The following NAA16 variants were observed in gnomAD, a reference collection of about 807,000 sequenced individuals.
The protein encoded by NAA16 is N-alpha-acetyltransferase 16, NatA auxiliary subunit, also known as NARG1-like protein.
In NAA16, 97 loss-of-function variants were observed where a neutral mutation model predicts 110.3. The observed-to-expected ratio is 0.88, with a 90% CI of 0.75 to 1.04. The LOEUF is 1.04. NAA16 is among the 50% of genes least tolerant of loss of function. NAA16 has a pLI of 0.00. For synonymous variants in NAA16, 372 were observed against 330.6 expected (o/e 1.13, Z -1.36); for missense variants, 1,017 against 1,005.1 (o/e 1.01, Z -0.16).
intron 9 of NAA16, among the ~76,000 whole-genome samples, chr13:41,347,234 CAAAAACA>C (rs2042709560): frequency 3.4e-5 from 1 of 29,192 alleles, no homozygotes; most frequent in East Asian, 8.8e-4. Context: ...AAAACAAAAA[CAAAAACA>C]AAAAAAGAAA....
chr13:41,347,477 C>T lies in NAA16; in HGVS notation c.1015-7667C>T, dbSNP rs114696807. Reference sequence around the variant, plus strand: ...AACTTAACAATATTAAGTCAATCTTCGAACATGGGATGTCTTTCTTTGTAT... The same window carrying T: ...AACTTAACAATATTAAGTCAATCTTTGAACATGGGATGTCTTTCTTTGTAT... On this transcript the variant is annotated intron_variant, in intron 9 of 19. Coordinates refer to ENST00000379406, the MANE Select transcript of NAA16 (RefSeq NM_024561.5). 7.5e-3 allele frequency among the ~76,000 whole-genome samples: 1,143 copies of T among 152,090 alleles called. 15 individuals carry two copies. The highest frequency in any genetic ancestry group is 0.026 in the African/African-American group (1,081 of 41,512).
intron 5 of NAA16, among the ~76,000 whole-genome samples, chr13:41,325,139 A>G (rs564405458): frequency 1.3e-5 from 2 of 152,022 alleles, no homozygotes; most frequent in Admixed American, 6.5e-5. Flanking sequence ...GTATTTTAGT[A>G]GAGACGGGGT....
Position 41,376,186 on chromosome 13 carries a change from A to T in NAA16, c.*584A>T, listed in dbSNP as rs2043424293. ...ATACCTGTAATCCAAGCTGCCCAGGAGCTGAGGCCGGAGAATCGCTTGAAC... is the reference window on the plus strand; with the variant it reads ...ATACCTGTAATCCAAGCTGCCCAGGTGCTGAGGCCGGAGAATCGCTTGAAC... On this transcript the variant is annotated 3_prime_UTR_variant, in exon 20 of 20. Transcript: ENST00000379406. 6.5e-6 allele frequency: 1 copy of T among 152,690 alleles called. No individual in the cohort carries two copies. The highest frequency in any genetic ancestry group is 1.5e-5 in the Non-Finnish European group (1 of 68,518). The allele number at this position is 152,690 out of a possible 1,614,324, so 9.5% of individuals were successfully genotyped here.
intron 9 of NAA16, among the ~76,000 whole-genome samples, chr13:41,344,576 A>C (rs2042633895): frequency 6.6e-6 from 1 of 152,174 alleles, no homozygotes; most frequent in Admixed American, 6.5e-5. Context: ...AAGGTACAGG[A>C]CAGCCTTCCT....
chr13:41,356,580 C>T (rs1759997817), intron 10 of NAA16, among the ~76,000 whole-genome samples: 2 of 152,100 alleles, frequency 1.3e-5, no homozygotes, highest in Non-Finnish European at 2.9e-5. Context: ...ATTCACATTT[C>T]CCCCATTATC....
At chr13:41,326,387 G>A (rs1172400963) in intron 6 of NAA16, among the ~76,000 whole-genome samples, 5 of 152,130 alleles carry the variant, frequency 3.3e-5, no homozygotes. Flanking sequence ...GTATTAAATT[G>A]AATGTCCAGC....
In NAA16 at chr13:41,316,875, T is replaced by C. The variant is rs780688690; in HGVS notation, c.84T>C (p.Asn28=). 9 of 1,613,566 alleles carry C rather than the reference T, an allele frequency of 5.6e-6. No individual in the cohort carries two copies. The highest frequency in any genetic ancestry group is 1.6e-4 in the Middle Eastern group (1 of 6,080). ...GTTATGAACAGAAGCAGTACAAAAA[T>C]GGCCTCAAGTTTTGCAAGATGATTC... ...LKCYEQKQYK[N]GLKFCKMILS... Residue 28 remains asparagine, a synonymous_variant, in exon 2 of 20, where the codon AAT becomes AAC. Coordinates refer to ENST00000379406, the MANE Select transcript of NAA16 (RefSeq NM_024561.5).
intron 1 of NAA16, among the ~76,000 whole-genome samples, chr13:41,316,184 C>T (rs1406386663): frequency 1.3e-5 from 2 of 152,146 alleles, no homozygotes; most frequent in Non-Finnish European, 2.9e-5. Context: ...GGCTGGAGTG[C>T]AGTGGCATGA....
At chr13:41,332,550 A>T (rs1019115027) in intron 8 of NAA16, among the ~76,000 whole-genome samples, 1 of 152,168 alleles carries the variant, frequency 6.6e-6, no homozygotes, top group Non-Finnish European at 1.5e-5. Context: ...TTGAGTTTTT[A>T]AAAAATTATG....
chr13:41,344,690 T>A (rs1215271860), intron 9 of NAA16, among the ~76,000 whole-genome samples: 3 of 152,254 alleles, frequency 2.0e-5, no homozygotes, highest in African/African-American at 7.2e-5. Flanking sequence ...GCCTCTACCA[T>A]CGAGATGTCA....
At position 41,311,567 on chromosome 13, in the gene NAA16, C is replaced by G; in HGVS notation, c.39C>G (p.Leu13=). The change falls in exon 1 of 20, where the codon CTC becomes CTG. Residue 13 remains leucine, a synonymous_variant. Coordinates refer to ENST00000379406, the MANE Select transcript of NAA16 (RefSeq NM_024561.5). ...NVLLPPKESN[L]FKRILKCYEQ... is the part of the protein sequence containing the mutation. ...TGCTGCCGCCCAAGGAGAGCAACCTCTTCAAACGCATCTTGGTGAGTGGCC... is the reference window on the plus strand; with the variant it reads ...TGCTGCCGCCCAAGGAGAGCAACCTGTTCAAACGCATCTTGGTGAGTGGCC... The G allele has an allele frequency of 6.2e-7, 1 of 1,608,752 alleles. No homozygotes were observed. The highest frequency in any genetic ancestry group is 8.5e-7 in the Non-Finnish European group (1 of 1,177,868).
intron 10 of NAA16, among the ~76,000 whole-genome samples, chr13:41,355,705 G>T (rs1402814000): frequency 6.6e-6 from 1 of 152,206 alleles, no homozygotes; most frequent in African/African-American, 2.4e-5. Flanking sequence ...TGGGATTACA[G>T]GCGTGAGCCA....
In NAA16 at chr13:41,311,522, G is replaced by A. The variant is rs1401746291; in HGVS notation, c.-7G>A. ...CTGCCGGCCACCTAGCCTCCCTGCC[G>A]GCCACGATGCCGAACGTGCTGCTGC... On this transcript the variant is annotated 5_prime_UTR_variant, in exon 1 of 20. Coordinates refer to ENST00000379406, the MANE Select transcript of NAA16 (RefSeq NM_024561.5). 6.2e-7 allele frequency: 1 copy of A among 1,600,744 alleles called. No homozygotes were observed. The highest frequency in any genetic ancestry group is 1.1e-5 in the South Asian group (1 of 88,816).
Position 41,318,842 on chromosome 13 carries a change from T to A in NAA16, c.176T>A (p.Leu59Ter). 1.2e-6 allele frequency: 2 copies of A among 1,603,652 alleles called. No individual in the cohort carries two copies. Among genetic ancestry groups the A allele is most frequent in the Non-Finnish European group, 1.7e-6 (2 of 1,175,542 alleles). Residue 59 changes from leucine to a stop codon, truncating the protein, a stop_gained, in exon 3 of 20, where the codon TTA (leucine) becomes TAA (stop). Coordinates refer to ENST00000379406, the MANE Select transcript of NAA16 (RefSeq NM_024561.5). LOFTEE classifies it high-confidence loss of function. ...LAMKGLTLNC[L>*]GKKEEAYEFV... ...ATGAAAGGATTAACACTGAACTGTT[T>A]AGGAAAAAAAGAAGAAGCTTATGAG... is the stretch of plus-strand genomic sequence containing the variant.
chr13:41,315,321 G>C (rs905078240), intron 1 of NAA16, among the ~76,000 whole-genome samples: 1 of 152,204 alleles, frequency 6.6e-6, no homozygotes, highest in African/African-American at 2.4e-5. Flanking sequence ...TTAACACCCA[G>C]TGTGACTGAA....
chr13:41,337,045 T>G (rs1037368237), intron 9 of NAA16, among the ~76,000 whole-genome samples: 17 of 152,304 alleles, frequency 1.1e-4, no homozygotes, highest in African/African-American at 4.1e-4. Flanking sequence ...ATTTTGTGAT[T>G]ATTATTTTAT....
At chr13:41,366,149 A>G (rs950797993) in intron 13 of NAA16, among the ~76,000 whole-genome samples, 1 of 152,194 alleles carries the variant, frequency 6.6e-6, no homozygotes, top group African/African-American at 2.4e-5. Context: ...GTTTTCAATT[A>G]CAACATCATT....
chr13:41,346,856 A>G (rs1226459581), intron 9 of NAA16, among the ~76,000 whole-genome samples: 2 of 152,178 alleles, frequency 1.3e-5, no homozygotes, highest in Non-Finnish European at 2.9e-5. Context: ...TATACAAGAA[A>G]AGCTAAAAGT....
rs2043052167 is a variant in NAA16 at position 41,358,890 on chromosome 13, C to T, written c.1338C>T (p.Ser446=). ...ACACAGCTGATAGATTCATCAATTCCAAATGTGCAAAATACATGCTTCGAG... is the reference window on the plus strand; with the variant it reads ...ACACAGCTGATAGATTCATCAATTCTAAATGTGCAAAATACATGCTTCGAG... ...SLDTADRFIN[S]KCAKYMLRAN... Residue 446 remains serine, a synonymous_variant, in exon 12 of 20, where the codon TCC becomes TCT. Transcript: ENST00000379406. The T allele has an allele frequency of 6.2e-7, 1 of 1,612,224 alleles. No individual in the cohort carries two copies. Among genetic ancestry groups the T allele is most frequent in the Non-Finnish European group, 8.5e-7 (1 of 1,178,774 alleles).
Sources: allele counts gnomAD v4.1 joint callset (sites outside exome capture counted in the v4.1 genomes callset), GRCh38; gene constraint gnomAD v4.1.1; transcripts MANE v1.5; gene names NCBI Gene and HGNC (gene_info 2026-07-23, HGNC 2026-07-21).